The following ZFAND3 variants were observed in gnomAD, a reference collection of about 807,000 sequenced individuals.
The protein encoded by ZFAND3 is AN1-type zinc finger protein 3.
ZFAND3 carries 10 observed loss-of-function variants against 29.6 expected under a neutral mutation model. That is an observed-to-expected ratio of 0.34 (90% confidence interval 0.21 to 0.57). ZFAND3 has a LOEUF of 0.57. Ranked by LOEUF, ZFAND3 falls within the 20% of genes least tolerant of loss-of-function variation. ZFAND3 has a pLI of 0.86. For missense variants in ZFAND3, 230 were observed against 304.5 expected (o/e 0.76, Z 1.82); for synonymous variants, 128 against 112.6 (o/e 1.14, Z -0.87).
chr6:37,956,348 A>G (rs1260706074), intron 2 of ZFAND3, among the ~76,000 whole-genome samples: 5 of 152,190 alleles, frequency 3.3e-5, no homozygotes, highest in Admixed American at 3.3e-4. Flanking sequence ...CAGGTGCTGC[A>G]GTGGTCTGTG....
chr6:37,837,748 C>T (rs985549807), intron 1 of ZFAND3, among the ~76,000 whole-genome samples: 4 of 152,114 alleles, frequency 2.6e-5, no homozygotes, highest in Non-Finnish European at 4.4e-5. Flanking sequence ...TCAGTTGATC[C>T]GCCCACCTCA....
chr6:38,040,057 A>G (rs555265716), intron 2 of ZFAND3, among the ~76,000 whole-genome samples: 2 of 152,210 alleles, frequency 1.3e-5, no homozygotes, highest in African/African-American at 4.8e-5. Flanking sequence ...GAAAAAAAAC[A>G]CTGAAAAATT....
intron 2 of ZFAND3, among the ~76,000 whole-genome samples, chr6:38,056,905 G>A (rs890230591): frequency 6.6e-6 from 1 of 152,160 alleles, no homozygotes; most frequent in Non-Finnish European, 1.5e-5. Context: ...TCCCATTAAA[G>A]TGCAAACGTT....
intron 4 of ZFAND3, among the ~76,000 whole-genome samples, chr6:38,113,497 C>T (rs879310661): frequency 1.1e-4 from 17 of 152,180 alleles, no homozygotes; most frequent in Admixed American, 9.8e-4. Flanking sequence ...ATCATGTAGA[C>T]ATTCCTTAGT....
chr6:38,136,375 C>T (rs1211752260), intron 5 of ZFAND3, among the ~76,000 whole-genome samples: 1 of 152,170 alleles, frequency 6.6e-6, no homozygotes, highest in African/African-American at 2.4e-5. Context: ...TGTACAGTGC[C>T]TGGGTGGGTG....
intron 3 of ZFAND3, chr6:38,062,704 A>G (rs186440450): frequency 6.6e-6 from 1 of 152,268 alleles, no homozygotes; most frequent in Admixed American, 6.5e-5. Context: ...ATGTCATAAT[A>G]TACATCTCTT....
At chr6:37,895,781 T>G (rs915968814) in intron 1 of ZFAND3, among the ~76,000 whole-genome samples, 9 of 152,206 alleles carry the variant, frequency 5.9e-5, no homozygotes, top group Non-Finnish European at 1.3e-4. Flanking sequence ...TGACTTTATT[T>G]TGGCATGCTG....
rs1249056690 is a variant in ZFAND3 at position 38,154,320 on chromosome 6, C to T, written c.*1931C>T. On this transcript the variant is annotated 3_prime_UTR_variant, in exon 6 of 6. Transcript: ENST00000287218. ...GTGGAGGCAGCCATGGGAAGGAGCC[C>T]AGGGGAGCTGGCCTGGGGGAGCGAA... The T allele has an allele frequency of 1.0e-6, 1 of 982,656 alleles. No individual in the cohort carries two copies. The highest frequency in any genetic ancestry group is 1.2e-6 in the Non-Finnish European group (1 of 829,800). 60.9% of individuals were successfully genotyped at this position (982,656 alleles called of 1,614,324 possible).
In ZFAND3 at chr6:38,114,661, C is replaced by T. The variant is rs559203369; in HGVS notation, c.362-1911C>T. 9.3e-4 allele frequency among the ~76,000 whole-genome samples: 141 copies of T among 152,094 alleles called. 1 individual carries two copies. The highest frequency in any genetic ancestry group is 3.4e-3 in the Middle Eastern group (1 of 294). On this transcript the variant is annotated intron_variant, in intron 4 of 5. Transcript: ENST00000287218. Reference sequence around the variant, plus strand: ...ATGAGCAAACTACCAGCATCACCATCGGGGTCCACTGGACAATCTTGGGTG... The same window carrying T: ...ATGAGCAAACTACCAGCATCACCATTGGGGTCCACTGGACAATCTTGGGTG...
At chr6:37,888,758 G>A (rs1409344095) in intron 1 of ZFAND3, among the ~76,000 whole-genome samples, 4 of 152,186 alleles carry the variant, frequency 2.6e-5, no homozygotes, top group South Asian at 2.1e-4. Context: ...TGAGACCTTG[G>A]ACTTTTTGGC....
At chr6:37,985,527 A>ACACCCCCC (rs753070737) in intron 2 of ZFAND3, among the ~76,000 whole-genome samples, 1 of 141,656 alleles carries the variant, frequency 7.1e-6, no homozygotes, top group Non-Finnish European at 1.6e-5. Context: ...ACACACACAC[A>ACACCCCCC]CCCCCACACA....
chr6:37,925,867 G>C (rs867239620), intron 1 of ZFAND3, among the ~76,000 whole-genome samples: 5 of 152,290 alleles, frequency 3.3e-5, no homozygotes, highest in Middle Eastern at 3.4e-3. Context: ...ATGTCAAATA[G>C]GCAGTTAGAT....
chr6:37,975,076 G>A (rs1270204711), intron 2 of ZFAND3, among the ~76,000 whole-genome samples: 2 of 152,212 alleles, frequency 1.3e-5, no homozygotes, highest in African/African-American at 4.8e-5. Flanking sequence ...CTTTTCCAAA[G>A]TGGTTATATT....
At chr6:38,096,253 A>G (rs1430193329) in intron 4 of ZFAND3, among the ~76,000 whole-genome samples, 1 of 150,892 alleles carries the variant, frequency 6.6e-6, no homozygotes, top group African/African-American at 2.4e-5. Context: ...GCTCACTGCA[A>G]CCTCCGCCTC....
intron 3 of ZFAND3, among the ~76,000 whole-genome samples, chr6:38,071,573 A>G (rs932481561): frequency 1.3e-5 from 2 of 152,106 alleles, no homozygotes; most frequent in African/African-American, 4.8e-5. Flanking sequence ...ACTGGAATAT[A>G]CCTTTATAGT....
intron 2 of ZFAND3, among the ~76,000 whole-genome samples, chr6:37,936,481 A>G (rs1761700391): frequency 6.6e-6 from 1 of 152,224 alleles, no homozygotes; most frequent in Admixed American, 6.5e-5. Context: ...TCAGAATACC[A>G]CTTGGTCGGT....
At chr6:38,086,900 A>G (rs1351445787) in intron 4 of ZFAND3, among the ~76,000 whole-genome samples, 5 of 152,228 alleles carry the variant, frequency 3.3e-5, no homozygotes, top group Admixed American at 2.6e-4. Context: ...GTAAGCAAAA[A>G]GAACAAAACT....
chr6:37,869,749 G>A (rs1764658485), intron 1 of ZFAND3, among the ~76,000 whole-genome samples: 1 of 151,264 alleles, frequency 6.6e-6, no homozygotes, highest in Admixed American at 6.6e-5. Context: ...CTGGCCTCTA[G>A]TGATTCTCCT....
intron 2 of ZFAND3, among the ~76,000 whole-genome samples, chr6:38,022,209 A>C (rs1763366486): frequency 6.6e-6 from 1 of 152,260 alleles, no homozygotes; most frequent in South Asian, 2.1e-4. Context: ...TTGAATGCAC[A>C]TTAAAATTTG....
Sources: allele counts gnomAD v4.1 joint callset (sites outside exome capture counted in the v4.1 genomes callset), GRCh38; gene constraint gnomAD v4.1.1; transcripts MANE v1.5; gene names NCBI Gene and HGNC (gene_info 2026-07-23, HGNC 2026-07-21).